FAM240B: variants seen among roughly 807,000 people sequenced by gnomAD.
FAM240B encodes the protein family with sequence similarity 240 member B.
rs990173862 is a variant in FAM240B, at chr9:38,694,879, G to A, written c.144-10C>T. 2.8e-5 allele frequency: 11 copies of A among 398,590 alleles called. 1 individual carries two copies. The highest frequency in any genetic ancestry group is 4.9e-5 in the Non-Finnish European group (11 of 226,144). The allele number at this position is 398,590 out of a possible 1,614,324, so 24.7% of individuals were successfully genotyped here. A position where few individuals can be genotyped will look rare whatever the true frequency, so the allele number is the denominator to read the frequency against. ...CCATTCTTCTCTGAGTCTGCGGAGG[G>A]GAAACCGTGCACATGCTCAGTGCAT... On this transcript the variant is annotated splice_polypyrimidine_tract_variant and intron_variant, in intron 2 of 2. Transcript: ENST00000637493.
intron 2 of FAM240B, among the ~76,000 whole-genome samples, chr9:38,698,609 T>A (rs1821091628): frequency 6.6e-6 from 1 of 152,188 alleles, no homozygotes; most frequent in Non-Finnish European, 1.5e-5. Flanking sequence ...TCCTTCCAAT[T>A]TTTCATTCAC....
intron 2 of FAM240B, among the ~76,000 whole-genome samples, chr9:38,699,082 C>A (rs1025644073): frequency 6.6e-6 from 1 of 152,158 alleles, no homozygotes; most frequent in African/African-American, 2.4e-5. Context: ...ACATTTTTAC[C>A]TTCAGCCTAG....
chr9:38,704,107 GTTTTTT>G, intron 1 of FAM240B, 105 bp from the exon 2 acceptor site: 1 of 316,894 alleles, frequency 3.2e-6, no homozygotes, highest in Non-Finnish European at 5.5e-6. Context: ...ATTTACACTT[GTTTTTT>G]TTTTTTTTTT....
At chr9:38,702,086 G>A (rs541994370) in intron 2 of FAM240B, among the ~76,000 whole-genome samples, 1 of 152,278 alleles carries the variant, frequency 6.6e-6, no homozygotes, top group African/African-American at 2.4e-5. Flanking sequence ...TACAGCACAG[G>A]GCTCAAGATG....
intron 1 of FAM240B, among the ~76,000 whole-genome samples, chr9:38,713,683 T>C (rs528122969): frequency 3.3e-5 from 5 of 151,906 alleles, no homozygotes; most frequent in African/African-American, 1.2e-4. Context: ...TCTTGGGAGG[T>C]AGCCACTGAA....
chr9:38,716,472 T>TAAATA (rs59040041), intron 1 of FAM240B, among the ~76,000 whole-genome samples: 125,434 of 150,846 alleles, frequency 0.83, 52,318 homozygotes, highest in Non-Finnish European at 0.86. Flanking sequence ...ACTCCGCTCT[T>TAAATA]AAATAAAATA....
At chr9:38,703,573 A>G (rs1338124409) in intron 2 of FAM240B, among the ~76,000 whole-genome samples, 1 of 152,202 alleles carries the variant, frequency 6.6e-6, no homozygotes, top group East Asian at 1.9e-4. Context: ...CCACCTGACC[A>G]AAACCAGGAG....
intron 2 of FAM240B, among the ~76,000 whole-genome samples, chr9:38,696,605 C>A (rs1821071677): frequency 6.6e-6 from 1 of 152,016 alleles, no homozygotes; most frequent in Non-Finnish European, 1.5e-5. Flanking sequence ...GTCAGAAGAT[C>A]GAGACCATCC....
rs886782739 is a variant in FAM240B at position 38,703,867 on chromosome 9, C to T, written c.133G>A (p.Ala45Thr). 8 of 400,190 alleles carry T rather than the reference C, an allele frequency of 2.0e-5. No individual in the cohort carries two copies. The highest frequency in any genetic ancestry group is 3.1e-4 in the Middle Eastern group (1 of 3,204). The allele number at this position is 400,190 out of a possible 1,614,324, so 24.8% of individuals were successfully genotyped here. A position where few individuals can be genotyped will look rare whatever the true frequency, so the allele number is the denominator to read the frequency against. Residue 45 changes from alanine to threonine, a missense_variant, in exon 2 of 3, where the codon GCC becomes ACC. Coordinates refer to ENST00000637493, the MANE Select transcript of FAM240B (RefSeq NM_001394922.1). Reference sequence around the variant, plus strand: ...AAACAATTCACATACTTTTTCAGGGCGCTTCTTTCTTGACGATCTTCCTCC... The same window carrying T: ...AAACAATTCACATACTTTTTCAGGGTGCTTCTTTCTTGACGATCTTCCTCC... ...ELEEDRQERS[A>T]LKKLREEWRQ...
chr9:38,695,700 CAAG>C (rs1384123526), intron 2 of FAM240B, among the ~76,000 whole-genome samples: 3 of 152,138 alleles, frequency 2.0e-5, no homozygotes, highest in East Asian at 1.9e-4. Flanking sequence ...CTGTAGCTAT[CAAG>C]AAGATGATTC....
chr9:38,713,885 G>A (rs1014847732), intron 1 of FAM240B, among the ~76,000 whole-genome samples: 2 of 152,116 alleles, frequency 1.3e-5, no homozygotes, highest in African/African-American at 2.4e-5. Context: ...TAAAAAGTAA[G>A]CACTACTTTT....
chr9:38,714,227 T>C (rs146239328), intron 1 of FAM240B, among the ~76,000 whole-genome samples: 349 of 152,314 alleles, frequency 2.3e-3, no homozygotes, highest in Non-Finnish European at 3.1e-3. Flanking sequence ...TTCAGAAGAA[T>C]TCCAGTGAAT....
intron 1 of FAM240B, among the ~76,000 whole-genome samples, chr9:38,710,128 C>T (rs1277802719): frequency 6.6e-6 from 1 of 152,134 alleles, no homozygotes; most frequent in Non-Finnish European, 1.5e-5. Context: ...CACCACCACA[C>T]CCAGGTAATT....
intron 1 of FAM240B, among the ~76,000 whole-genome samples, chr9:38,709,138 C>T (rs1039810447): frequency 2.5e-4 from 38 of 152,126 alleles, no homozygotes; most frequent in Non-Finnish European, 1.0e-4. Context: ...TGTGCTGACT[C>T]TTGGCCTCAA....
chr9:38,701,904 G>A (rs964995632), intron 2 of FAM240B, among the ~76,000 whole-genome samples: 1 of 134,656 alleles, frequency 7.4e-6, no homozygotes, highest in Non-Finnish European at 1.7e-5. Context: ...GAAAAAATAG[G>A]AGAACACACA....
rs1554688771 is a variant in FAM240B at position 38,716,483 on chromosome 9, A to AAATAT, written c.-4+3538_-4+3539insATATT. Among the ~76,000 whole-genome samples the AAATAT allele has an allele frequency of 8.8e-3, 1,329 of 151,342 alleles. 18 individuals carry two copies. Among genetic ancestry groups the AAATAT allele is most frequent in the African/African-American group, 0.029 (1,206 of 41,192 alleles). ...TGAGACTCCGCTCTTAAATAAAATA[A>AAATAT]TTTTTTTAAAAAATGGTCCCCTTCA... On this transcript the variant is annotated intron_variant, in intron 1 of 2. Coordinates refer to ENST00000637493, the MANE Select transcript of FAM240B (RefSeq NM_001394922.1).
chr9:38,697,231 T>G (rs1230535721), intron 2 of FAM240B, among the ~76,000 whole-genome samples: 1 of 152,218 alleles, frequency 6.6e-6, no homozygotes, highest in Non-Finnish European at 1.5e-5. Flanking sequence ...TGGCTGCAGC[T>G]TCTTTCCCTT....
chr9:38,707,363 A>G (rs1217858749), intron 1 of FAM240B, among the ~76,000 whole-genome samples: 1 of 152,174 alleles, frequency 6.6e-6, no homozygotes, highest in Non-Finnish European at 1.5e-5. Context: ...TGGTTTGGAT[A>G]TGGAAGGAGG....
At chr9:38,706,707 C>T (rs560372839) in intron 1 of FAM240B, among the ~76,000 whole-genome samples, 4 of 152,188 alleles carry the variant, frequency 2.6e-5, no homozygotes, top group Non-Finnish European at 5.9e-5. Flanking sequence ...TGGAATTTCT[C>T]TCTGCACCCT....
Sources: gnomAD v4.1 joint callset for allele counts (sites outside exome capture counted in the v4.1 genomes callset) on GRCh38, gnomAD v4.1.1 for gene constraint, MANE v1.5 for transcripts, NCBI Gene and HGNC (gene_info 2026-07-23, HGNC 2026-07-21) for gene names.